CFAP299: variants seen among roughly 807,000 people sequenced by gnomAD.
The protein encoded by CFAP299 is cilia- and flagella-associated protein 299.
A neutral mutation model predicts 27.0 loss-of-function variants in CFAP299; 21 were observed. The observed-to-expected ratio is 0.78, with a 90% CI of 0.55 to 1.12. The LOEUF (loss-of-function observed/expected upper bound fraction) is 1.12. Ranked by LOEUF, CFAP299 falls within the 50% of genes most tolerant of loss-of-function variation. The pLI is 0.00. For missense variants in CFAP299, 310 were observed against 276.6 expected, an observed-to-expected ratio of 1.12 and a Z score of -0.86; for synonymous variants, 104 against 98.1, an observed-to-expected ratio of 1.06 and a Z score of -0.36.
At chr4:80,510,504 AG>A (rs1302489560) in intron 2 of CFAP299, among the ~76,000 whole-genome samples, 1 of 152,160 alleles carries the variant, frequency 6.6e-6, no homozygotes, top group African/African-American at 2.4e-5. Flanking sequence ...AATAGACTAT[AG>A]CTGAGCTCAC....
At chr4:80,457,336 G>T (rs1051764722) in intron 2 of CFAP299, among the ~76,000 whole-genome samples, 1 of 152,042 alleles carries the variant, frequency 6.6e-6, no homozygotes, top group Non-Finnish European at 1.5e-5. Context: ...AGTTATTTTT[G>T]GTAATTTCCT....
intron 4 of CFAP299, among the ~76,000 whole-genome samples, chr4:80,895,822 C>T (rs1404081565): frequency 1.3e-5 from 2 of 151,992 alleles, no homozygotes; most frequent in Non-Finnish European, 2.9e-5. Flanking sequence ...AACAAAGCAA[C>T]AGAAAGATGG....
At chr4:80,905,837 G>A (rs372887036) in intron 4 of CFAP299, among the ~76,000 whole-genome samples, 20 of 152,236 alleles carry the variant, frequency 1.3e-4, no homozygotes, top group South Asian at 4.2e-4. Context: ...CTCCCATGAC[G>A]TGGGGATTAT....
In CFAP299 at chr4:80,793,083, T is replaced by A. The variant is rs1457288489; in HGVS notation, c.334-76910T>A. On this transcript the variant is annotated intron_variant, in intron 3 of 5. Coordinates refer to ENST00000358105, the MANE Select transcript of CFAP299 (RefSeq NM_152770.3). ...CTAGTGGACAGAACTAATAGGATAT[T>A]TATATCCTATTAGTTATGTGTGTGT... 2.0e-5 allele frequency among the ~76,000 whole-genome samples: 3 copies of A among 150,260 alleles called. No individual in the cohort carries two copies. In the East Asian group the frequency reaches 5.8e-4, roughly 29 times the overall value.
At chr4:80,798,682 C>A (rs1440844441) in intron 3 of CFAP299, among the ~76,000 whole-genome samples, 2 of 151,996 alleles carry the variant, frequency 1.3e-5, no homozygotes, top group African/African-American at 4.8e-5. Context: ...CTTCTAAAGC[C>A]AGGAGTTAGA....
At chr4:80,866,093 A>ATATATATATC (rs1249405090) in intron 3 of CFAP299, among the ~76,000 whole-genome samples, 3 of 127,270 alleles carry the variant, frequency 2.4e-5, no homozygotes, top group Non-Finnish European at 3.3e-5. Flanking sequence ...ATATATATAT[A>ATATATATATC]TATCTTCCCA....
chr4:80,427,873 T>C (rs1727602523), intron 2 of CFAP299, among the ~76,000 whole-genome samples: 1 of 152,226 alleles, frequency 6.6e-6, no homozygotes, highest in Non-Finnish European at 1.5e-5. Context: ...TATTTTTCTT[T>C]ATTGCTTCAG....
chr4:80,418,099 G>A (rs1297558310), intron 2 of CFAP299, among the ~76,000 whole-genome samples: 1 of 152,126 alleles, frequency 6.6e-6, no homozygotes, highest in East Asian at 1.9e-4. Context: ...ATACACATTT[G>A]CCAGGACTAA....
chr4:80,755,920 A>C (rs1455665971), intron 3 of CFAP299, among the ~76,000 whole-genome samples: 12 of 152,252 alleles, frequency 7.9e-5, no homozygotes, highest in African/African-American at 2.6e-4. Context: ...TTTGAGAGCT[A>C]TAATATGTGG....
chr4:80,870,445 G>A lies in CFAP299; in HGVS notation c.476+310G>A, dbSNP rs568563415. 323 of 1,027,386 alleles carry A rather than the reference G, an allele frequency of 3.1e-4. 4 individuals carry two copies. In the South Asian group the frequency reaches 0.012, roughly 39 times the overall value. 63.6% of individuals were successfully genotyped at this position (1,027,386 alleles called of 1,614,324 possible). On this transcript the variant is annotated intron_variant, in intron 4 of 5. Transcript: ENST00000358105. ...TTTTGCAGCACTTGGGACTTGGTCT[G>A]TCCAGAAGCCTCAAGAACTGCTCAT...
intron 3 of CFAP299, among the ~76,000 whole-genome samples, chr4:80,620,740 G>A (rs958355157): frequency 2.4e-4 from 36 of 152,204 alleles, no homozygotes; most frequent in Middle Eastern, 3.4e-3. Flanking sequence ...GTTCCCTACA[G>A]AAAGTCAACA....
chr4:80,595,287 C>T (rs1737005586), intron 3 of CFAP299, among the ~76,000 whole-genome samples: 2 of 141,872 alleles, frequency 1.4e-5, no homozygotes, highest in Non-Finnish European at 2.9e-5. Flanking sequence ...TATATTTCCC[C>T]CTCCCAAAGA....
At chr4:80,376,812 G>A (rs759284760) in intron 2 of CFAP299, among the ~76,000 whole-genome samples, 5 of 152,012 alleles carry the variant, frequency 3.3e-5, no homozygotes, top group Admixed American at 1.3e-4. Flanking sequence ...CCGCCACCAC[G>A]CCTGGCTAAT....
chr4:80,824,263 A>T (rs1237663929), intron 3 of CFAP299, among the ~76,000 whole-genome samples: 1 of 152,036 alleles, frequency 6.6e-6, no homozygotes, highest in African/African-American at 2.4e-5. Context: ...AATTGTAGTA[A>T]ATTTTAGTTT....
chr4:80,797,757 C>A (rs935633464), intron 3 of CFAP299, among the ~76,000 whole-genome samples: 1 of 152,078 alleles, frequency 6.6e-6, no homozygotes, highest in Non-Finnish European at 1.5e-5. Context: ...ATCTTCTGGG[C>A]CTTCCCAGCT....
chr4:80,859,726 T>G (rs1255551315), intron 3 of CFAP299, among the ~76,000 whole-genome samples: 1 of 152,230 alleles, frequency 6.6e-6, no homozygotes, highest in Non-Finnish European at 1.5e-5. Context: ...TTAAGAATGT[T>G]GAATATTGGC....
At chr4:80,850,515 G>GAAAGC (rs1731457390) in intron 3 of CFAP299, among the ~76,000 whole-genome samples, 1 of 151,946 alleles carries the variant, frequency 6.6e-6, no homozygotes, top group Non-Finnish European at 1.5e-5. Context: ...TTGAGTTTTA[G>GAAAGC]AAAGCATATG....
In CFAP299 at chr4:80,805,127, G is replaced by A. The variant is rs186963905; in HGVS notation, c.334-64866G>A. On this transcript the variant is annotated intron_variant, in intron 3 of 5. Transcript: ENST00000358105. ...AAATTGATGCAAAAGGAGCTACACT[G>A]TTCATTATCTTTATTGAAATTTTTA... is the stretch of plus-strand genomic sequence containing the variant. Among the ~76,000 whole-genome samples the A allele has an allele frequency of 6.3e-3, 961 of 152,032 alleles. 7 individuals are homozygous for A. The highest frequency in any genetic ancestry group is 0.021 in the South Asian group (101 of 4,804).
rs1342201273 is a variant in CFAP299 at position 80,367,622 on chromosome 4, C to A, written c.242+4738C>A. 2.7e-5 allele frequency among the ~76,000 whole-genome samples: 4 copies of A among 150,908 alleles called. No individual in the cohort carries two copies. The East Asian group carries it at 6.0e-4, about 23-fold the overall frequency. On this transcript the variant is annotated intron_variant, in intron 2 of 5. Coordinates refer to ENST00000358105, the MANE Select transcript of CFAP299 (RefSeq NM_152770.3). ...GGGGATAGAGTCGATTCTTCATTCTCCTAGCTTTCTCGTCCTTTGCTTCAA... is the reference window on the plus strand; with the variant it reads ...GGGGATAGAGTCGATTCTTCATTCTACTAGCTTTCTCGTCCTTTGCTTCAA...
Sources: gnomAD v4.1 joint callset for allele counts (sites outside exome capture counted in the v4.1 genomes callset) on GRCh38, gnomAD v4.1.1 for gene constraint, MANE v1.5 for transcripts, NCBI Gene and HGNC (gene_info 2026-07-23, HGNC 2026-07-21) for gene names.